Variants in EVC observed in about 807,000 individuals in gnomAD.
EVC encodes EvC ciliary complex subunit 1.
Under a neutral mutation model 118.9 loss-of-function variants are expected in EVC, and 116 were observed. That is an observed-to-expected ratio of 0.98 (90% CI 0.84 to 1.14). The LOEUF (loss-of-function observed/expected upper bound fraction) is 1.14, where lower values mean the gene tolerates loss of function less well. EVC is among the 50% of genes most tolerant of loss of function. The probability of loss-of-function intolerance (pLI) is 0.00; values close to 1 mark genes in which losing one functional copy is unlikely to be tolerated. For synonymous variants in EVC, 619 were observed against 534.7 expected (o/e 1.16, Z -2.18); for missense variants, 1,401 against 1,246.4 (o/e 1.12, Z -1.87).
intron 1 of EVC, among the ~76,000 whole-genome samples, chr4:5,711,883 A>C (rs915941701): frequency 2.0e-5 from 3 of 152,210 alleles, no homozygotes; most frequent in Non-Finnish European, 4.4e-5. Flanking sequence ...CATGGTGGAC[A>C]GAAGGACGGC....
At chr4:5,810,543 G>C in intron 20 of EVC, 93 bp downstream of exon 20, 1 of 917,976 alleles carries the variant, frequency 1.1e-6, no homozygotes, top group Non-Finnish European at 1.8e-6. Context: ...AAAATCATCA[G>C]TCCCCTCAGA....
chr4:5,799,180 G>A (rs533872137), intron 15 of EVC, among the ~76,000 whole-genome samples: 64 of 152,256 alleles, frequency 4.2e-4, no homozygotes, highest in Middle Eastern at 3.4e-3. Context: ...GCCCCTGGCC[G>A]CCTCTGCTGA....
At chr4:5,745,930 T>G (rs1254313697) in intron 7 of EVC, among the ~76,000 whole-genome samples, 1 of 152,078 alleles carries the variant, frequency 6.6e-6, no homozygotes, top group Non-Finnish European at 1.5e-5. Flanking sequence ...CATCTTGTGA[T>G]AGAAGGAAGC....
At chr4:5,826,163 AG>A in the EVC span, 1 of 157,918 alleles carries the variant, frequency 6.3e-6, no homozygotes, top group Non-Finnish European at 1.4e-5. Flanking sequence ...TTCATGCAGG[AG>A]GACCCCAAAT....
Position 5,749,341 on chromosome 4 carries a change from GA to G in EVC, c.1098+1054del, listed in dbSNP as rs57482108. On this transcript the variant is annotated intron_variant, in intron 8 of 20. Transcript: ENST00000264956. The surrounding 1 kb of genome is among the most constrained non-coding windows in gnomAD (Gnocchi z 4.4). ...TAACACTAACGATAGCTGATGAGCGGAAAAAAAAAAAAAAAAAAAGGTCCCT... is the reference window on the plus strand; with the variant it reads ...TAACACTAACGATAGCTGATGAGCGGAAAAAAAAAAAAAAAAAAGGTCCCT... 0.029 allele frequency among the ~76,000 whole-genome samples: 3,491 copies of G among 121,802 alleles called. 60 individuals carry two copies. The highest frequency in any genetic ancestry group is 0.037 in the African/African-American group (1,165 of 31,302). 79.9% of individuals were successfully genotyped at this position (121,802 alleles called of 152,430 possible). A position where few individuals can be genotyped will look rare whatever the true frequency, so the allele number is the denominator to read the frequency against.
chr4:5,804,128 G>C (rs1050468762), intron 16 of EVC, among the ~76,000 whole-genome samples: 4 of 152,108 alleles, frequency 2.6e-5, no homozygotes, highest in Admixed American at 6.5e-5. Context: ...AGTAGAGACA[G>C]GGTTTCACCA....
At chr4:5,825,867 A>C in the EVC span, 1 of 563,534 alleles carries the variant, frequency 1.8e-6, no homozygotes, top group South Asian at 2.4e-5. The surrounding 1 kb of genome is among the most constrained non-coding windows in gnomAD (Gnocchi z 4.4). Context: ...ATGCATACAC[A>C]CACATCTACA....
rs1003630628 is a variant in EVC, at chr4:5,743,073, A to G, written c.801+1259A>G. Among the ~76,000 whole-genome samples, 4 of 152,208 alleles carry G rather than the reference A, an allele frequency of 2.6e-5. No homozygotes were observed. Among genetic ancestry groups the G allele is most frequent in the African/African-American group, 9.6e-5 (4 of 41,454 alleles). On this transcript the variant is annotated intron_variant, in intron 6 of 20. Coordinates refer to ENST00000264956, the MANE Select transcript of EVC (RefSeq NM_153717.3). This position sits in a 1 kb window ranked among gnomAD's most constrained non-coding sequence, Gnocchi z 4.7. Reference sequence around the variant, plus strand: ...TAGAACTTTCTAAAAAGGGGACAGTAACTTCTGGGTTGTTGCCATGGAAAA... The same window carrying G: ...TAGAACTTTCTAAAAAGGGGACAGTGACTTCTGGGTTGTTGCCATGGAAAA...
In EVC at chr4:5,812,480, C is replaced by G. The variant is rs1717083281; in HGVS notation, c.*1443C>G. On this transcript the variant is annotated 3_prime_UTR_variant, in exon 21 of 21. Coordinates refer to ENST00000264956, the MANE Select transcript of EVC (RefSeq NM_153717.3). ...CCTTTTCTGCCTGGAGAGAAACTTT[C>G]AGACCAGCCCCACACACCACAGCCA... is the stretch of plus-strand genomic sequence containing the variant. 6.0e-6 allele frequency: 1 copy of G among 166,480 alleles called. No homozygotes were observed. The highest frequency in any genetic ancestry group is 6.5e-5 in the Admixed American group (1 of 15,300). The allele number at this position is 166,480 out of a possible 1,614,324, so 10.3% of individuals were successfully genotyped here.
In EVC at chr4:5,737,159, A is replaced by G. The variant is rs1727822223; in HGVS notation, c.702+3724A>G. Among the ~76,000 whole-genome samples the G allele has an allele frequency of 6.6e-6, 1 of 152,236 alleles. No individual in the cohort carries two copies. On this transcript the variant is annotated intron_variant, in intron 5 of 20. Coordinates refer to ENST00000264956, the MANE Select transcript of EVC (RefSeq NM_153717.3). This position sits in a 1 kb window ranked among gnomAD's most constrained non-coding sequence, Gnocchi z 5.0. ...CATAGAAGATCAAACCAGACACAAC[A>G]TCCCCTTAAGCCAAAGCCTAATCCA...
intron 2 of EVC, among the ~76,000 whole-genome samples, chr4:5,724,190 C>T (rs1358078376): frequency 6.6e-6 from 1 of 152,208 alleles, no homozygotes; most frequent in East Asian, 1.9e-4. Flanking sequence ...CTGGAGACGG[C>T]AGACCCTCAA....
Position 5,727,389 on chromosome 4 carries a change from C to G in EVC, c.301-1918C>G, listed in dbSNP as rs903979300. ...TGTCTTCTTTTGAGAAGTGTCTGTT[C>G]ATGTCCTTCGCCCACTTTTTGATGG... On this transcript the variant is annotated intron_variant, in intron 2 of 20. Transcript: ENST00000264956. Among the ~76,000 whole-genome samples, 85 of 152,086 alleles carry G rather than the reference C, an allele frequency of 5.6e-4. 1 individual carries two copies. Among genetic ancestry groups the G allele is most frequent in the African/African-American group, 2.0e-3 (83 of 41,528 alleles).
chr4:5,712,747 G>C (rs551396674), intron 1 of EVC, among the ~76,000 whole-genome samples: 12 of 152,208 alleles, frequency 7.9e-5, no homozygotes, highest in South Asian at 4.1e-4. Context: ...CAAGATGCTC[G>C]TAGGTGAGTT....
intron 11 of EVC, among the ~76,000 whole-genome samples, chr4:5,778,300 C>G (rs1206352605): frequency 1.3e-5 from 2 of 152,080 alleles, no homozygotes; most frequent in Non-Finnish European, 2.9e-5. Flanking sequence ...AGTAAACATA[C>G]GTGTGCATAT....
chr4:5,741,649 G>T, intron 5 of EVC, 67 bp from the exon 6 acceptor site: 1 of 932,644 alleles, frequency 1.1e-6, no homozygotes, highest in South Asian at 1.4e-5. Context: ...AGAGAAAACA[G>T]AAAGCAAAAG....
intron 12 of EVC, among the ~76,000 whole-genome samples, chr4:5,791,193 G>A (rs57803998): frequency 0.081 from 12,328 of 152,200 alleles, 670 homozygotes; most frequent in African/African-American, 0.15. Flanking sequence ...AACAATGTGC[G>A]AACTAGAAGA....
At chr4:5,783,176 T>C (rs376513562) in intron 11 of EVC, among the ~76,000 whole-genome samples, 35 of 152,228 alleles carry the variant, frequency 2.3e-4, no homozygotes, top group African/African-American at 7.9e-4. Context: ...CACTTGTCTA[T>C]GCATGGATGT....
intron 6 of EVC, 75 bp from the exon 7 acceptor site, chr4:5,745,129 T>G (rs1372728849): frequency 1.3e-5 from 18 of 1,429,390 alleles, no homozygotes; most frequent in Middle Eastern, 2.2e-4. Flanking sequence ...ATAAAAGCAT[T>G]TATTTTTCTA....
chr4:5,816,368 C>T (rs1717678641), downstream of EVC, among the ~76,000 whole-genome samples: 2 of 152,192 alleles, frequency 1.3e-5, no homozygotes, highest in Non-Finnish European at 2.9e-5. Context: ...AAATCCTTCC[C>T]TGCGTGAGCA....
Sources: gnomAD v4.1 joint callset for allele counts (sites outside exome capture counted in the v4.1 genomes callset) on GRCh38, gnomAD v4.1.1 for gene constraint, Gnocchi (gnomAD v3.1) non-coding constraint, MANE v1.5 for transcripts, NCBI Gene and HGNC (gene_info 2026-07-23, HGNC 2026-07-21) for gene names.